The following CCND3 variants were observed in gnomAD, a reference collection of about 807,000 sequenced individuals.
CCND3 encodes cyclin D3, also known as G1/S-specific cyclin-D3.
In CCND3, 9 loss-of-function variants were observed where a neutral mutation model predicts 28.7. That is an observed-to-expected ratio of 0.31 (90% CI 0.19 to 0.55). The LOEUF (loss-of-function observed/expected upper bound fraction) is 0.55. Ranked by LOEUF, CCND3 falls within the 20% of genes least tolerant of loss-of-function variation. The probability of loss-of-function intolerance (pLI) is 0.93; values close to 1 mark genes in which losing one functional copy is unlikely to be tolerated. For synonymous variants in CCND3, 164 were observed against 163.9 expected (o/e 1.00, Z 0.00); for missense variants, 315 against 385.8 (o/e 0.82, Z 1.54).
intron 1 of CCND3, among the ~76,000 whole-genome samples, chr6:41,956,491 C>T (rs1776439030): frequency 6.6e-6 from 1 of 152,074 alleles, no homozygotes; most frequent in Non-Finnish European, 1.5e-5. Context: ...AAAGGTAGGC[C>T]ATCATATTCC....
At chr6:41,960,235 G>A (rs1442342904) in intron 1 of CCND3, among the ~76,000 whole-genome samples, 3 of 152,148 alleles carry the variant, frequency 2.0e-5, no homozygotes, top group East Asian at 3.9e-4. Flanking sequence ...ACTGGGTGGT[G>A]GTGATAATGG....
chr6:42,007,146 G>A (rs1763200010), intron 1 of CCND3, among the ~76,000 whole-genome samples: 1 of 151,968 alleles, frequency 6.6e-6, no homozygotes. Flanking sequence ...ATTCTTTTGT[G>A]TATATATGCT....
At chr6:42,037,060 T>TC (rs1764240157) in intron 1 of CCND3, among the ~76,000 whole-genome samples, 1 of 152,070 alleles carries the variant, frequency 6.6e-6, no homozygotes, top group Admixed American at 6.6e-5. Flanking sequence ...TGCCTCAGCC[T>TC]CCCGAGTAGC....
At chr6:41,954,266 A>AAAAAAAAAAAAAAAAAAAAG (rs1776385644) in intron 1 of CCND3, among the ~76,000 whole-genome samples, 1 of 138,968 alleles carries the variant, frequency 7.2e-6, no homozygotes, top group Non-Finnish European at 1.6e-5. Flanking sequence ...AAAAAAAAAA[A>AAAAAAAAAAAAAAAAAAAAG]AAAAAAAAAG....
chr6:41,948,690 A>G (rs987083086), intron 1 of CCND3, among the ~76,000 whole-genome samples: 2 of 151,928 alleles, frequency 1.3e-5, no homozygotes, highest in Non-Finnish European at 2.9e-5. Context: ...ATACAAAAAA[A>G]TTAGCTGGGC....
chr6:41,943,228 G>A (rs1776088210), upstream of CCND3, among the ~76,000 whole-genome samples: 1 of 151,858 alleles, frequency 6.6e-6, no homozygotes, highest in Non-Finnish European at 1.5e-5. Context: ...CTTTTACATT[G>A]TAGAAAACTT....
chr6:42,048,694 G>A lies in CCND3; in HGVS notation c.-239C>T, dbSNP rs1764621806. The A allele has an allele frequency of 1.9e-6, 1 of 516,894 alleles. No individual in the cohort carries two copies. The highest frequency in any genetic ancestry group is 3.9e-6 in the Non-Finnish European group (1 of 259,184). The allele number at this position is 516,894 out of a possible 1,614,324, so 32.0% of individuals were successfully genotyped here. A position where few individuals can be genotyped will look rare whatever the true frequency, so the allele number is the denominator to read the frequency against. ...CCTGCAGTGGCGAAGTGTTTACAAA[G>A]TCCGCGCCGCGCCGCCGATCCAGAG... is the stretch of plus-strand genomic sequence containing the variant. On this transcript the variant is annotated 5_prime_UTR_variant, in exon 1 of 5. Transcript: ENST00000372988. The surrounding 1 kb of genome is among the most constrained non-coding windows in gnomAD (Gnocchi z 4.7).
chr6:41,969,074 G>T (rs2127407216), intron 1 of CCND3, among the ~76,000 whole-genome samples: 1 of 152,228 alleles, frequency 6.6e-6, no homozygotes, highest in South Asian at 2.1e-4. Context: ...GGGATTACAG[G>T]TGTGAGCCAC....
chr6:41,953,941 T>A lies in CCND3; in HGVS notation c.-45-13356A>T, dbSNP rs185756891. 3.5e-4 allele frequency among the ~76,000 whole-genome samples: 53 copies of A among 151,616 alleles called. No homozygotes were observed. The East Asian group carries it at 8.1e-3, about 23-fold the overall frequency. ...CTACTTTAAGAGTTTGAAAAAAAAA[T>A]AAATCTCATTTAAAAAAAATTTTTG... is the stretch of plus-strand genomic sequence containing the variant. On this transcript the variant is annotated intron_variant, in intron 1 of 4. Coordinates refer to the CCND3 transcript ENST00000372988.
intron 1 of CCND3, among the ~76,000 whole-genome samples, chr6:41,957,896 G>C (rs959278341): frequency 6.6e-6 from 1 of 151,998 alleles, no homozygotes; most frequent in East Asian, 1.9e-4. Context: ...TGTTGTCCAA[G>C]CTGGTCTCGA....
intron 1 of CCND3, among the ~76,000 whole-genome samples, chr6:41,950,787 C>T (rs1776289856): frequency 6.6e-6 from 1 of 150,990 alleles, no homozygotes. Flanking sequence ...CAGCTCACGG[C>T]AAGCTCCGCC....
Position 42,048,814 on chromosome 6 carries a change from C to T in CCND3, c.-359G>A. The T allele has an allele frequency of 2.5e-6, 1 of 392,276 alleles. No homozygotes were observed. Among genetic ancestry groups the T allele is most frequent in the Non-Finnish European group, 5.0e-6 (1 of 201,072 alleles). The allele number at this position is 392,276 out of a possible 1,614,324, so 24.3% of individuals were successfully genotyped here. A position where few individuals can be genotyped will look rare whatever the true frequency, so the allele number is the denominator to read the frequency against. On this transcript the variant is annotated 5_prime_UTR_variant, in exon 1 of 5. Coordinates refer to the CCND3 transcript ENST00000372988. The surrounding 1 kb of genome is among the most constrained non-coding windows in gnomAD (Gnocchi z 4.7). ...GTCCCCGGCCTGACTCTCCCACCCC[C>T]TGTACACCCTCGGCGAGGCCAGGAG...
chr6:42,019,117 T>A (rs1763620708), intron 1 of CCND3, among the ~76,000 whole-genome samples: 1 of 152,080 alleles, frequency 6.6e-6, no homozygotes. Flanking sequence ...AATAAGTATA[T>A]CATCAATGGT....
chr6:42,013,983 A>G (rs1396176344), intron 1 of CCND3, among the ~76,000 whole-genome samples: 1 of 151,598 alleles, frequency 6.6e-6, no homozygotes, highest in African/African-American at 2.4e-5. Context: ...GAGGCAGGAG[A>G]ATGGCGTGAA....
chr6:42,016,980 TG>T (rs1763538040), intron 1 of CCND3, among the ~76,000 whole-genome samples: 1 of 152,164 alleles, frequency 6.6e-6, no homozygotes. Flanking sequence ...AATGATGCCA[TG>T]GGGAAACGTT....
intron 1 of CCND3, among the ~76,000 whole-genome samples, chr6:42,020,659 C>T (rs1763683439): frequency 6.6e-6 from 1 of 152,200 alleles, no homozygotes; most frequent in Non-Finnish European, 1.5e-5. Flanking sequence ...CACCCGTAGC[C>T]TCCCCTACTC....
intron 1 of CCND3, among the ~76,000 whole-genome samples, chr6:42,007,370 T>C (rs1763206843): frequency 1.3e-5 from 2 of 152,198 alleles, no homozygotes; most frequent in Non-Finnish European, 2.9e-5. Context: ...GGGTGGCTAG[T>C]AAGGCCAAGT....
Position 42,033,808 on chromosome 6 carries a change from G to A in CCND3, c.-46+14693C>T, listed in dbSNP as rs556058004. Among the ~76,000 whole-genome samples the A allele has an allele frequency of 3.7e-4, 56 of 149,538 alleles. No homozygotes were observed. In the South Asian group the frequency reaches 8.1e-3, roughly 22 times the overall value. ...AGGTTTGGAGGTGAGCTGAGATTGC[G>A]CCATTGCACTCCAGTCTGGGCAACA... On this transcript the variant is annotated intron_variant, in intron 1 of 4. Transcript: ENST00000372988.
intron 1 of CCND3, among the ~76,000 whole-genome samples, chr6:42,038,826 T>C (rs1367765210): frequency 6.6e-6 from 1 of 152,160 alleles, no homozygotes; most frequent in Non-Finnish European, 1.5e-5. Context: ...ATCTAATCCA[T>C]TCTTCTTTTA....
Sources: allele counts gnomAD v4.1 joint callset (sites outside exome capture counted in the v4.1 genomes callset), GRCh38; gene constraint gnomAD v4.1.1; non-coding constraint Gnocchi (gnomAD v3.1); transcripts MANE v1.5; gene names NCBI Gene and HGNC (gene_info 2026-07-23, HGNC 2026-07-21).